SPRED1: variants seen among roughly 807,000 people sequenced by gnomAD.
SPRED1 encodes the protein sprouty-related, EVH1 domain-containing protein 1.
SPRED1 carries 18 observed loss-of-function variants against 52.3 expected under a neutral mutation model. The observed-to-expected ratio is 0.34, with a 90% confidence interval of 0.24 to 0.51. SPRED1 has a LOEUF of 0.51. Ranked by LOEUF, SPRED1 falls within the 20% of genes least tolerant of loss-of-function variation. The probability of loss-of-function intolerance (pLI) is 0.97; values close to 1 mark genes in which losing one functional copy is unlikely to be tolerated. For missense variants in SPRED1, 485 were observed against 551.0 expected (o/e 0.88, Z 1.20); for synonymous variants, 155 against 179.7 (o/e 0.86, Z 1.10).
At chr15:38,346,168 C>T (rs184002498) in intron 5 of SPRED1, among the ~76,000 whole-genome samples, 1 of 152,072 alleles carries the variant, frequency 6.6e-6, no homozygotes. Flanking sequence ...AAGATTCCAT[C>T]TCATATATCA....
At chr15:38,277,799 A>G (rs1752736765) in intron 1 of SPRED1, among the ~76,000 whole-genome samples, 1 of 152,148 alleles carries the variant, frequency 6.6e-6, no homozygotes, top group Non-Finnish European at 1.5e-5. Flanking sequence ...CTTTTTAAGA[A>G]TAGCTATTCT....
chr15:38,305,320 G>A (rs1397676058), intron 2 of SPRED1, among the ~76,000 whole-genome samples: 5 of 142,826 alleles, frequency 3.5e-5, no homozygotes, highest in African/African-American at 1.0e-4. Flanking sequence ...TAACGAGAGT[G>A]AAACTGTCAA....
intron 6 of SPRED1, among the ~76,000 whole-genome samples, chr15:38,350,791 T>C (rs904821832): frequency 6.6e-6 from 1 of 152,180 alleles, no homozygotes; most frequent in African/African-American, 2.4e-5. Flanking sequence ...GTCTTAGTTC[T>C]AGTAAAGCCT....
intron 4 of SPRED1, among the ~76,000 whole-genome samples, chr15:38,327,473 G>T (rs1470884422): frequency 6.6e-6 from 1 of 152,032 alleles, no homozygotes; most frequent in Non-Finnish European, 1.5e-5. Flanking sequence ...AAAATTTCTG[G>T]ATTCCATCTT....
chr15:38,296,156 C>T (rs1895033757), intron 1 of SPRED1, among the ~76,000 whole-genome samples: 1 of 152,054 alleles, frequency 6.6e-6, no homozygotes, highest in Admixed American at 6.5e-5. Context: ...CTTGAGCCTT[C>T]TACTTGTCTA....
intron 1 of SPRED1, among the ~76,000 whole-genome samples, chr15:38,264,237 T>C (rs143521062): frequency 6.6e-6 from 1 of 152,334 alleles, no homozygotes; most frequent in East Asian, 1.9e-4. Context: ...TAACTTGCCA[T>C]GGCCACGCAA....
intron 4 of SPRED1, among the ~76,000 whole-genome samples, chr15:38,334,524 T>TTGA (rs1343475350): frequency 6.6e-6 from 1 of 152,088 alleles, no homozygotes; most frequent in Non-Finnish European, 1.5e-5. Flanking sequence ...CAGAACTATA[T>TTGA]TGATAGTTTC....
At position 38,255,207 on chromosome 15, in the gene SPRED1, A is replaced by G. The variant is rs920706222; in HGVS notation, c.32+1990A>G. 2.0e-5 allele frequency among the ~76,000 whole-genome samples: 3 copies of G among 152,170 alleles called. No homozygotes were observed. In the East Asian group the frequency reaches 5.8e-4, roughly 29 times the overall value. On this transcript the variant is annotated intron_variant, in intron 1 of 6. Coordinates refer to ENST00000299084, the MANE Select transcript of SPRED1 (RefSeq NM_152594.3). ...TACAGTAAATTGAGAAAATACTCCC[A>G]GTGATTTAATCCCCAAGATGTTGAT...
chr15:38,323,316 A>G (rs1425087069), intron 3 of SPRED1, among the ~76,000 whole-genome samples: 2 of 152,176 alleles, frequency 1.3e-5, no homozygotes, highest in African/African-American at 4.8e-5. Context: ...AATTTGGTAA[A>G]TGAGTAATTT....
At chr15:38,326,826 A>G (rs1365105894) in intron 4 of SPRED1, among the ~76,000 whole-genome samples, 1 of 152,204 alleles carries the variant, frequency 6.6e-6, no homozygotes, top group Non-Finnish European at 1.5e-5. Context: ...TTCAATGAAA[A>G]TAGAAGGAAA....
chr15:38,258,086 C>T (rs1425947615), intron 1 of SPRED1, among the ~76,000 whole-genome samples: 1 of 152,128 alleles, frequency 6.6e-6, no homozygotes, highest in Non-Finnish European at 1.5e-5. Flanking sequence ...AGATAATGTA[C>T]AAAATGATCT....
intron 2 of SPRED1, among the ~76,000 whole-genome samples, chr15:38,303,126 G>C (rs1009538761): frequency 2.6e-5 from 4 of 152,080 alleles, no homozygotes; most frequent in Admixed American, 6.6e-5. Flanking sequence ...GTAGGTGGCA[G>C]TGAGCTGAGA....
In SPRED1 at chr15:38,266,367, C is replaced by A. The variant is rs971439957; in HGVS notation, c.32+13150C>A. Among the ~76,000 whole-genome samples, 4 of 152,116 alleles carry A rather than the reference C, an allele frequency of 2.6e-5. No homozygotes were observed. In the East Asian group the frequency reaches 7.7e-4, roughly 29 times the overall value. ...TGATGTATCAAATTAGGGCCAGGCA[C>A]GGTGGCTCATGCCTGTAATCCTAGC... On this transcript the variant is annotated intron_variant, in intron 1 of 6. Coordinates refer to ENST00000299084, the MANE Select transcript of SPRED1 (RefSeq NM_152594.3).
At chr15:38,259,914 AAT>A in intron 1 of SPRED1, among the ~76,000 whole-genome samples, 1 of 152,252 alleles carries the variant, frequency 6.6e-6, no homozygotes, top group East Asian at 1.9e-4. Flanking sequence ...ACAGTTCATT[AAT>A]AATGGATTTC....
intron 1 of SPRED1, among the ~76,000 whole-genome samples, chr15:38,269,330 A>C (rs1332249688): frequency 6.6e-6 from 1 of 151,782 alleles, no homozygotes; most frequent in Non-Finnish European, 1.5e-5. Flanking sequence ...CTAACCTCGA[A>C]CTGTCAGGCT....
At chr15:38,258,998 T>C (rs9302325) in intron 1 of SPRED1, among the ~76,000 whole-genome samples, 125,346 of 152,092 alleles carry the variant, frequency 0.82, 52,441 homozygotes, top group Non-Finnish European at 0.9. Context: ...GCATCATATG[T>C]GCCCTTCCTT....
At chr15:38,335,965 A>C (rs1454114281) in intron 4 of SPRED1, among the ~76,000 whole-genome samples, 1 of 152,146 alleles carries the variant, frequency 6.6e-6, no homozygotes, top group Non-Finnish European at 1.5e-5. Context: ...AAAATTATGT[A>C]AAAGCAGGCT....
intron 3 of SPRED1, 54 bp from the exon 4 acceptor site, chr15:38,324,709 C>T: frequency 7.3e-7 from 1 of 1,368,164 alleles, no homozygotes; most frequent in Non-Finnish European, 1.0e-6. Context: ...GTCATTAATA[C>T]TGGACTCTAA....
At chr15:38,282,380 A>G (rs1894710563) in intron 1 of SPRED1, among the ~76,000 whole-genome samples, 1 of 151,494 alleles carries the variant, frequency 6.6e-6, no homozygotes, top group African/African-American at 2.4e-5. Context: ...GGTGGCAGGC[A>G]CCTGTAATTC....
Sources: gnomAD v4.1 joint callset for allele counts (sites outside exome capture counted in the v4.1 genomes callset) on GRCh38, gnomAD v4.1.1 for gene constraint, MANE v1.5 for transcripts, NCBI Gene and HGNC (gene_info 2026-07-23, HGNC 2026-07-21) for gene names.